Variants in KCNH8 observed in about 807,000 individuals in gnomAD.
The protein encoded by KCNH8 is voltage-gated delayed rectifier potassium channel KCNH8.
KCNH8 carries 70 observed loss-of-function variants against 103.6 expected under a neutral mutation model. That is an observed-to-expected ratio of 0.68 (90% CI 0.56 to 0.82). KCNH8 has a LOEUF of 0.82. Ranked by LOEUF, KCNH8 falls within the 40% of genes least tolerant of loss-of-function variation. KCNH8 has a pLI of 0.00. For missense variants in KCNH8, 1,217 were observed against 1,329.9 expected (o/e 0.92, Z 1.32); for synonymous variants, 498 against 489.4 (o/e 1.02, Z -0.23).
At chr3:19,225,907 A>G (rs901555222) in intron 1 of KCNH8, among the ~76,000 whole-genome samples, 4 of 152,246 alleles carry the variant, frequency 2.6e-5, no homozygotes, top group African/African-American at 9.6e-5. Flanking sequence ...TAGGTCAGGT[A>G]TACATGCCAA....
chr3:19,292,496 T>G (rs2064942056), intron 3 of KCNH8, among the ~76,000 whole-genome samples: 2 of 152,192 alleles, frequency 1.3e-5, no homozygotes, highest in Non-Finnish European at 1.5e-5. Context: ...AATAAAATAA[T>G]AAACAGCTAT....
intron 10 of KCNH8, among the ~76,000 whole-genome samples, chr3:19,456,288 A>C (rs2067531039): frequency 6.6e-6 from 1 of 152,066 alleles, no homozygotes; most frequent in South Asian, 2.1e-4. Flanking sequence ...AGATATTCAT[A>C]GTCAATTTGA....
chr3:19,344,415 CA>C (rs1275152426), intron 4 of KCNH8, among the ~76,000 whole-genome samples: 1 of 151,926 alleles, frequency 6.6e-6, no homozygotes, highest in Admixed American at 6.6e-5. Flanking sequence ...AATCTGATTT[CA>C]AAAAAACTAT....
Position 19,329,514 on chromosome 3 carries a change from G to GTT in KCNH8, c.443-13067_443-13066dup, listed in dbSNP as rs35430146. Reference sequence around the variant, plus strand: ...TTGATATTTTAGGATATTTTTCTAGGTTTTTTTCCTTTCATTTTATTCTCT... The same window carrying GTT: ...TTGATATTTTAGGATATTTTTCTAGGTTTTTTTTTCCTTTCATTTTATTCTCT... On this transcript the variant is annotated intron_variant, in intron 3 of 15. Coordinates refer to ENST00000328405, the MANE Select transcript of KCNH8 (RefSeq NM_144633.3). 2.8e-4 allele frequency among the ~76,000 whole-genome samples: 42 copies of GTT among 151,864 alleles called. 1 individual carries two copies. In the East Asian group the frequency reaches 8.0e-3, roughly 29 times the overall value.
chr3:19,304,778 C>T (rs954583203), intron 3 of KCNH8, among the ~76,000 whole-genome samples: 2 of 152,094 alleles, frequency 1.3e-5, no homozygotes, highest in East Asian at 3.9e-4. Flanking sequence ...CCACTAGCTG[C>T]ATGTGGCTAT....
chr3:19,434,504 G>C (rs2067168599), intron 7 of KCNH8, among the ~76,000 whole-genome samples: 1 of 152,182 alleles, frequency 6.6e-6, no homozygotes, highest in Non-Finnish European at 1.5e-5. Context: ...AGGCTGAAGG[G>C]GGTGGAGAAG....
In KCNH8 at chr3:19,327,987, G is replaced by A. The variant is rs534272521; in HGVS notation, c.443-14600G>A. ...CTGAAACTTAAGAGATGCTCAATAA[G>A]TGTTACTTTATTTCTTCCTGTTTCT... is the stretch of plus-strand genomic sequence containing the variant. On this transcript the variant is annotated intron_variant, in intron 3 of 15. Transcript: ENST00000328405. 1.6e-4 allele frequency among the ~76,000 whole-genome samples: 24 copies of A among 152,240 alleles called. No individual in the cohort carries two copies. The South Asian group carries it at 5.0e-3, about 32-fold the overall frequency.
intron 1 of KCNH8, among the ~76,000 whole-genome samples, chr3:19,207,804 C>A (rs993207806): frequency 4.0e-5 from 6 of 151,892 alleles, no homozygotes; most frequent in Non-Finnish European, 7.4e-5. Context: ...GTCTAGAAGA[C>A]TGTGAACAGC....
intron 15 of KCNH8, among the ~76,000 whole-genome samples, chr3:19,522,810 G>A (rs903267501): frequency 1.3e-5 from 2 of 151,614 alleles, no homozygotes; most frequent in African/African-American, 4.8e-5. Context: ...GGCTCTGATT[G>A]GATCTAAAAT....
chr3:19,229,872 T>A (rs944529723), intron 1 of KCNH8, among the ~76,000 whole-genome samples: 4 of 152,218 alleles, frequency 2.6e-5, no homozygotes, highest in African/African-American at 9.6e-5. Flanking sequence ...TTTTCAGTTA[T>A]CTTTTCAGCA....
intron 3 of KCNH8, among the ~76,000 whole-genome samples, chr3:19,323,301 T>C (rs1460488426): frequency 6.6e-6 from 1 of 151,896 alleles, no homozygotes; most frequent in East Asian, 1.9e-4. Flanking sequence ...TATAAAAAAT[T>C]AGCTGGGCGT....
In KCNH8 at chr3:19,281,328, A is replaced by AG; in HGVS notation, c.442+1dup. ...AGATTACTCCAGAAGATAAAAAAGAAGGTTTGTACCGTTTTCAGAAAACAT... is the reference window on the plus strand; with the variant it reads ...AGATTACTCCAGAAGATAAAAAAGAAGGGTTTGTACCGTTTTCAGAAAACAT... On this transcript the variant is annotated frameshift_variant and splice_region_variant, in exon 3 of 16. Coordinates refer to ENST00000328405, the MANE Select transcript of KCNH8 (RefSeq NM_144633.3). LOFTEE classifies it high-confidence loss of function. 7 of 1,592,544 alleles carry AG rather than the reference A, an allele frequency of 4.4e-6. No individual in the cohort carries two copies. Among genetic ancestry groups the AG allele is most frequent in the Non-Finnish European group, 6.0e-6 (7 of 1,173,140 alleles).
chr3:19,192,303 A>T (rs2063560810), intron 1 of KCNH8, among the ~76,000 whole-genome samples: 1 of 151,610 alleles, frequency 6.6e-6, no homozygotes, highest in Admixed American at 6.6e-5. Flanking sequence ...GAATGTACTC[A>T]TGTTTGTTTT....
intron 1 of KCNH8, among the ~76,000 whole-genome samples, chr3:19,225,424 G>T (rs985331748): frequency 6.6e-6 from 1 of 151,992 alleles, no homozygotes; most frequent in Non-Finnish European, 1.5e-5. Context: ...ATCACATTAG[G>T]CTATATTGGG....
intron 3 of KCNH8, among the ~76,000 whole-genome samples, chr3:19,284,222 G>A (rs749975933): frequency 6.6e-6 from 1 of 152,010 alleles, no homozygotes; most frequent in Non-Finnish European, 1.5e-5. Context: ...CATCTAAGTT[G>A]TAGGAATAAG....
intron 2 of KCNH8, among the ~76,000 whole-genome samples, chr3:19,279,382 A>G (rs1328692243): frequency 2.0e-5 from 3 of 152,062 alleles, no homozygotes; most frequent in Non-Finnish European, 2.9e-5. Context: ...GAAGGATGTG[A>G]CAATGTTACA....
chr3:19,227,759 G>A (rs2063947985), intron 1 of KCNH8, among the ~76,000 whole-genome samples: 1 of 152,174 alleles, frequency 6.6e-6, no homozygotes, highest in Admixed American at 6.5e-5. Flanking sequence ...TATAGATAAT[G>A]TTGTAGGCCC....
chr3:19,505,282 C>A (rs560770618), intron 11 of KCNH8, among the ~76,000 whole-genome samples: 2 of 151,628 alleles, frequency 1.3e-5, no homozygotes, highest in East Asian at 1.9e-4. Flanking sequence ...AAGAGGGGAA[C>A]AACAGATACT....
intron 1 of KCNH8, among the ~76,000 whole-genome samples, chr3:19,225,814 C>G (rs1187123813): frequency 6.6e-6 from 1 of 152,062 alleles, no homozygotes. Context: ...CAATATGGAC[C>G]TAAAATTCAC....
Sources: allele counts gnomAD v4.1 joint callset (sites outside exome capture counted in the v4.1 genomes callset), GRCh38; gene constraint gnomAD v4.1.1; transcripts MANE v1.5; gene names NCBI Gene and HGNC (gene_info 2026-07-23, HGNC 2026-07-21).